BRD10: variants seen among roughly 807,000 people sequenced by gnomAD.
BRD10 encodes bromodomain containing 10.
At chr9:5,940,545 A>C in the BRD10 span, among the ~76,000 whole-genome samples, 1 of 152,220 alleles carries the variant, frequency 6.6e-6, no homozygotes, top group Non-Finnish European at 1.5e-5. Flanking sequence ...CGTATTGTAA[A>C]AATGATCTAC....
At chr9:5,943,440 C>T in the BRD10 span, among the ~76,000 whole-genome samples, 2 of 151,790 alleles carry the variant, frequency 1.3e-5, no homozygotes, top group East Asian at 3.9e-4. Context: ...AATATGGACA[C>T]CTCCCTAAAA....
the BRD10 span, among the ~76,000 whole-genome samples, chr9:5,924,234 C>T: frequency 6.6e-6 from 1 of 151,884 alleles, no homozygotes; most frequent in African/African-American, 2.4e-5. Flanking sequence ...CTACAGTTTG[C>T]AGTCAATTAC....
At chr9:6,008,096 G>A in the BRD10 span, 111 of 980,884 alleles carry the variant, frequency 1.1e-4, no homozygotes, top group East Asian at 6.6e-3. Context: ...CACCCCGCCC[G>A]CCTGCTCTTC....
At chr9:5,941,522 G>A in the BRD10 span, among the ~76,000 whole-genome samples, 1 of 152,140 alleles carries the variant, frequency 6.6e-6, no homozygotes, top group East Asian at 1.9e-4. Context: ...TCTAAACGAT[G>A]ATGAGGACTT....
the BRD10 span, among the ~76,000 whole-genome samples, chr9:5,981,485 A>AT: frequency 6.6e-6 from 1 of 152,236 alleles, no homozygotes. Flanking sequence ...ACACTGACAG[A>AT]TACGACATCC....
the BRD10 span, among the ~76,000 whole-genome samples, chr9:5,948,698 CAAAAGG>C: frequency 6.6e-6 from 1 of 151,664 alleles, no homozygotes; most frequent in Non-Finnish European, 1.5e-5. Context: ...AAAAGCAAAG[CAAAAGG>C]AAAACAATGT....
the BRD10 span, among the ~76,000 whole-genome samples, chr9:5,967,537 CAT>C: frequency 2.0e-5 from 3 of 151,612 alleles, no homozygotes; most frequent in African/African-American, 4.8e-5. Context: ...ATACTGAAAA[CAT>C]AGTTCTGAAA....
the BRD10 span, among the ~76,000 whole-genome samples, chr9:5,959,201 C>T: frequency 6.6e-6 from 1 of 152,068 alleles, no homozygotes; most frequent in African/African-American, 2.4e-5. Flanking sequence ...ATAATCAATC[C>T]TTACCTGGAT....
the BRD10 span, chr9:5,953,915 A>T: frequency 2.9e-6 from 2 of 698,480 alleles, no homozygotes; most frequent in African/African-American, 3.7e-5. Flanking sequence ...ATTACAAGTA[A>T]GTGTGCTACA....
the BRD10 span, among the ~76,000 whole-genome samples, chr9:5,984,122 A>T: frequency 6.6e-6 from 1 of 152,154 alleles, no homozygotes; most frequent in African/African-American, 2.4e-5. Flanking sequence ...AGCTCTTTAG[A>T]CAGTAGAAAA....
chr9:5,906,853 C>G, the BRD10 span: 1 of 1,371,306 alleles, frequency 7.3e-7, no homozygotes. Context: ...TACTTCTTCT[C>G]ACCCACTCAC....
chr9:5,906,231 G>A, the BRD10 span, among the ~76,000 whole-genome samples: 1 of 150,690 alleles, frequency 6.6e-6, no homozygotes, highest in East Asian at 1.9e-4. Context: ...TTAGGAGGCT[G>A]AGGCAGGAGT....
the BRD10 span, among the ~76,000 whole-genome samples, chr9:5,889,630 C>T: frequency 2.6e-5 from 4 of 152,076 alleles, no homozygotes; most frequent in Non-Finnish European, 5.9e-5. Context: ...ACTAAAAATA[C>T]AAAAATTTGC....
chr9:5,965,147 T>C, the BRD10 span, among the ~76,000 whole-genome samples: 2 of 151,486 alleles, frequency 1.3e-5, no homozygotes, highest in Non-Finnish European at 2.9e-5. Context: ...TTAAAGCCTG[T>C]ATTACACAAC....
At chr9:5,947,159 A>G in the BRD10 span, among the ~76,000 whole-genome samples, 1 of 152,172 alleles carries the variant, frequency 6.6e-6, no homozygotes, top group Non-Finnish European at 1.5e-5. Flanking sequence ...TAACACTTTC[A>G]AGTGGCTGTA....
At chr9:5,912,449 T>C in the BRD10 span, among the ~76,000 whole-genome samples, 1 of 146,110 alleles carries the variant, frequency 6.8e-6, no homozygotes, top group Non-Finnish European at 1.5e-5. Flanking sequence ...TTATGTGGGT[T>C]GGGGTGGGGG....
At chr9:5,972,141 A>G in the BRD10 span, among the ~76,000 whole-genome samples, 4 of 152,320 alleles carry the variant, frequency 2.6e-5, no homozygotes, top group Non-Finnish European at 4.4e-5. Flanking sequence ...TACTACAGTG[A>G]TAAGAAATGA....
At chr9:6,001,539 T>A in the BRD10 span, among the ~76,000 whole-genome samples, 1 of 152,226 alleles carries the variant, frequency 6.6e-6, no homozygotes, top group Non-Finnish European at 1.5e-5. Flanking sequence ...TGCCTCCAAA[T>A]ACCTAACTTT....
At chr9:6,005,570 A>G in the BRD10 span, among the ~76,000 whole-genome samples, 1 of 152,238 alleles carries the variant, frequency 6.6e-6, no homozygotes, top group Admixed American at 6.5e-5. Context: ...ATTCAAACCC[A>G]TATGCTATCT....
Sources: allele counts gnomAD v4.1 joint callset (sites outside exome capture counted in the v4.1 genomes callset), GRCh38; gene constraint gnomAD v4.1.1; transcripts MANE v1.5; gene names NCBI Gene and HGNC (gene_info 2026-07-23, HGNC 2026-07-21).